Variants in OR4Q3 observed in about 807,000 individuals in gnomAD.
OR4Q3 encodes the protein olfactory receptor family 4 subfamily Q member 3, also known as olfactory receptor 4Q3.
A neutral mutation model predicts 18.8 loss-of-function variants in OR4Q3; 17 were observed. The observed-to-expected ratio is 0.91, with a 90% CI of 0.62 to 1.36. The LOEUF (loss-of-function observed/expected upper bound fraction) is 1.36. Ranked by LOEUF, OR4Q3 falls within the 40% of genes most tolerant of loss-of-function variation. The pLI is 0.00. For missense variants in OR4Q3, 378 were observed against 373.4 expected (o/e 1.01, Z -0.10); for synonymous variants, 158 against 145.8 (o/e 1.08, Z -0.60).
At chr14:19,749,629 A>AAAAAAAAAAAAAAAAAAAAAAC, downstream of OR4Q3, among the ~76,000 whole-genome samples, 1 of 149,034 alleles carries the variant, frequency 6.7e-6, no homozygotes, top group African/African-American at 2.5e-5. Context: ...AAAAAAAAAA[A>AAAAAAAAAAAAAAAAAAAAAAC]AAAAAGAAAG....
At chr14:19,749,630 A>G, downstream of OR4Q3, among the ~76,000 whole-genome samples, 3 of 149,208 alleles carry the variant, frequency 2.0e-5, no homozygotes, top group African/African-American at 7.4e-5. Context: ...AAAAAAAAAA[A>G]AAAAGAAAGC....
downstream of OR4Q3, among the ~76,000 whole-genome samples, chr14:19,752,046 TA>T: frequency 6.6e-6 from 1 of 152,248 alleles, no homozygotes; most frequent in African/African-American, 2.4e-5. Context: ...GATTTAAATA[TA>T]AGACCACAAA....
downstream of OR4Q3, among the ~76,000 whole-genome samples, chr14:19,750,655 T>C: frequency 6.6e-6 from 1 of 152,216 alleles, no homozygotes; most frequent in Non-Finnish European, 1.5e-5. Flanking sequence ...AAAATATGTA[T>C]TTTTATTTTT....
At chr14:19,751,447 G>A, downstream of OR4Q3, among the ~76,000 whole-genome samples, 1 of 152,030 alleles carries the variant, frequency 6.6e-6, no homozygotes, top group South Asian at 2.1e-4. Flanking sequence ...AATAGTTTCA[G>A]TAGGATTGGT....
At chr14:19,751,546 A>T, downstream of OR4Q3, among the ~76,000 whole-genome samples, 105 of 150,092 alleles carry the variant, frequency 7.0e-4, no homozygotes, top group Middle Eastern at 0.017. Context: ...TTTTTTTTTT[A>T]AATTACTGAT....
chr14:19,751,187 C>G, downstream of OR4Q3, among the ~76,000 whole-genome samples: 1 of 152,298 alleles, frequency 6.6e-6, no homozygotes. Context: ...TTTTATATTC[C>G]CTTTTGCATT....
intron 1 of OR4Q3, among the ~76,000 whole-genome samples, chr14:19,746,892 CATCTTGA>C: frequency 1.3e-3 from 203 of 151,804 alleles, no homozygotes; most frequent in Non-Finnish European, 2.6e-3. Context: ...GATATTTCCT[CATCTTGA>C]GAGATTTAGT....
At chr14:19,743,708 C>G (rs1192465879) in intron 1 of OR4Q3, 37 bp downstream of exon 1, 5 of 152,334 alleles carry the variant, frequency 3.3e-5, no homozygotes, top group African/African-American at 9.6e-5. Context: ...AAACTCCCCT[C>G]CCCTTCCTGC....
Position 19,747,761 on chromosome 14 carries a change from G to T in OR4Q3, c.358G>T (p.Glu120Ter). ...CTTCCTCCACTTTCTAGGAGCCAGT[G>T]AGATGTTTTTGCTGACAGTCATGGC... The change falls in exon 2 of 2, where the codon GAG becomes TAG. Residue 120 changes from glutamate to a stop codon, truncating the protein, a stop_gained. Transcript: ENST00000642117. LOFTEE classifies it high-confidence loss of function. 2 of 1,613,998 alleles carry T rather than the reference G, an allele frequency of 1.2e-6. No homozygotes were observed. Among genetic ancestry groups the T allele is most frequent in the East Asian group, 4.5e-5 (2 of 44,846 alleles).
Position 19,747,423 on chromosome 14 carries a change from G to A in OR4Q3, c.20G>A (p.Gly7Asp). 1.5e-4 allele frequency: 237 copies of A among 1,583,420 alleles called. No homozygotes were observed. In the African/African-American group the frequency reaches 2.7e-3, roughly 18 times the overall value. Residue 7 changes from glycine (G) to aspartate (D), a missense_variant, in exon 2 of 2, where the codon GGC (glycine) becomes GAC (aspartate). Coordinates refer to ENST00000642117, the Ensembl canonical transcript of OR4Q3. ...TTCTTTAGGTCACTTGATATTCTTGGCTTGATGAAAAAAGAACAAGATTCT... is the reference window on the plus strand; with the variant it reads ...TTCTTTAGGTCACTTGATATTCTTGACTTGATGAAAAAAGAACAAGATTCT...
At chr14:19,751,919 G>A, downstream of OR4Q3, among the ~76,000 whole-genome samples, 1 of 152,036 alleles carries the variant, frequency 6.6e-6, no homozygotes, top group Non-Finnish European at 1.5e-5. Flanking sequence ...CTTTTCTTCT[G>A]CTAGCTCTGG....
exon 2 of OR4Q3, chr14:19,748,337 A>G: frequency 1.9e-6 from 3 of 1,611,764 alleles, no homozygotes; most frequent in Non-Finnish European, 2.5e-6. Context: ...GAAGCTGAGG[A>G]TAAAACCATG....
downstream of OR4Q3, among the ~76,000 whole-genome samples, chr14:19,749,897 TCTTTCTTTCTTTTTTC>T: frequency 1.5e-3 from 18 of 12,336 alleles, no homozygotes; most frequent in Middle Eastern, 0.071. Context: ...TTTCTTTCTT[TCTTTCTTTCTTTTTTC>T]TTTCTTTCTT....
chr14:19,749,886 CTTTCTTTCTTTCTTTCTTTCTTT>C, downstream of OR4Q3, among the ~76,000 whole-genome samples: 3 of 50,132 alleles, frequency 6.0e-5, no homozygotes, highest in East Asian at 2.6e-3. Flanking sequence ...TTCTTTCTTT[CTTTCTTTCTTTCTTTCTTTCTTT>C]TTTCTTTCTT....
chr14:19,750,425 T>C, downstream of OR4Q3, among the ~76,000 whole-genome samples: 1 of 152,262 alleles, frequency 6.6e-6, no homozygotes, highest in Admixed American at 6.5e-5. Context: ...TGAAAATGTG[T>C]TTATTCTATT....
exon 2 of OR4Q3, chr14:19,748,489 G>C: frequency 2.7e-6 from 2 of 744,712 alleles, no homozygotes; most frequent in African/African-American, 1.8e-5. Flanking sequence ...ATAGCATAAA[G>C]ATTATAATGG....
At chr14:19,746,422 C>G in intron 1 of OR4Q3, among the ~76,000 whole-genome samples, 1 of 152,104 alleles carries the variant, frequency 6.6e-6, no homozygotes, top group African/African-American at 2.4e-5. Context: ...TCTTTATTTT[C>G]TTATGTATCT....
At chr14:19,748,749 A>G in exon 2 of OR4Q3, 1 of 195,302 alleles carries the variant, frequency 5.1e-6, no homozygotes, top group Admixed American at 5.4e-5. Context: ...TTCCTCCAGC[A>G]TTTAATGATT....
At chr14:19,751,007 G>A, downstream of OR4Q3, among the ~76,000 whole-genome samples, 2 of 152,220 alleles carry the variant, frequency 1.3e-5, no homozygotes, top group Admixed American at 1.3e-4. Flanking sequence ...GGATTACCAG[G>A]CATGTTTCAA....
Sources: gnomAD v4.1 joint callset for allele counts (sites outside exome capture counted in the v4.1 genomes callset) on GRCh38, gnomAD v4.1.1 for gene constraint, MANE v1.5 for transcripts, NCBI Gene and HGNC (gene_info 2026-07-23, HGNC 2026-07-21) for gene names.